PDXDC1: variants seen among roughly 807,000 people sequenced by gnomAD.
The protein encoded by PDXDC1 is pyridoxal dependent decarboxylase domain containing 1, also known as pyridoxal-dependent decarboxylase domain-containing protein 1.
In PDXDC1, 42 loss-of-function variants were observed where a neutral mutation model predicts 100.1. The observed-to-expected ratio is 0.42, with a 90% CI of 0.33 to 0.54. PDXDC1 has a LOEUF of 0.54. Ranked by LOEUF, PDXDC1 falls within the 20% of genes least tolerant of loss-of-function variation. The pLI, the probability that PDXDC1 is intolerant of heterozygous loss-of-function variation, is 0.10. For missense variants in PDXDC1, 636 were observed against 979.2 expected (o/e 0.65, Z 4.68); for synonymous variants, 260 against 371.7 (o/e 0.70, Z 3.46).
chr16:14,991,924 C>G (rs368689096), intron 1 of PDXDC1, among the ~76,000 whole-genome samples: 1 of 152,290 alleles, frequency 6.6e-6, no homozygotes, highest in African/African-American at 2.4e-5. Context: ...TCTGGCATGC[C>G]TTCCTAAGGG....
chr16:15,141,746 C>A (rs1240294422), downstream of PDXDC1, among the ~76,000 whole-genome samples: 1 of 152,248 alleles, frequency 6.6e-6, no homozygotes, highest in Non-Finnish European at 1.5e-5. Context: ...TCCACACCAT[C>A]CCCGCCGTGG....
chr16:15,124,120 T>C (rs2047573141), intron 16 of PDXDC1, among the ~76,000 whole-genome samples: 1 of 152,198 alleles, frequency 6.6e-6, no homozygotes, highest in Non-Finnish European at 1.5e-5. Flanking sequence ...CATCAGCTTC[T>C]CTCCTAAGGT....
At chr16:15,104,580 AG>A (rs1445616261) in intron 16 of PDXDC1, 1 of 1,599,496 alleles carries the variant, frequency 6.3e-7, no homozygotes, top group Non-Finnish European at 8.5e-7. Flanking sequence ...TGAGGGTGGA[AG>A]GGGATAGAGC....
At chr16:15,109,857 A>G (rs1296720296) in intron 16 of PDXDC1, among the ~76,000 whole-genome samples, 1 of 103,778 alleles carries the variant, frequency 9.6e-6, no homozygotes, top group Non-Finnish European at 2.1e-5. Flanking sequence ...TCAAAATTTA[A>G]AAAAAAAAAA....
chr16:15,124,070 G>C (rs1351696232), intron 16 of PDXDC1, among the ~76,000 whole-genome samples: 1 of 152,208 alleles, frequency 6.6e-6, no homozygotes, highest in Non-Finnish European at 1.5e-5. Flanking sequence ...TGGCCTCTCA[G>C]GGACGTCCAA....
At chr16:15,144,298 C>T (rs1321269070), downstream of PDXDC1, among the ~76,000 whole-genome samples, 3 of 152,238 alleles carry the variant, frequency 2.0e-5, no homozygotes, top group Non-Finnish European at 4.4e-5. Context: ...CGCTGTGCTC[C>T]TTTCTATTTA....
chr16:15,143,500 G>A (rs556057874), downstream of PDXDC1, among the ~76,000 whole-genome samples: 1,233 of 152,292 alleles, frequency 8.1e-3, 8 homozygotes, highest in South Asian at 0.019. Context: ...GGGCCCCCTC[G>A]CCCTGGAGCC....
At chr16:15,048,038 T>C (rs577076844) in intron 16 of PDXDC1, 1 of 1,613,682 alleles carries the variant, frequency 6.2e-7, no homozygotes, top group South Asian at 1.1e-5. Context: ...TTGCTGAACA[T>C]ACAGAAGGCC....
intron 16 of PDXDC1, among the ~76,000 whole-genome samples, chr16:15,064,176 T>G (rs969765954): frequency 5.3e-5 from 8 of 152,102 alleles, no homozygotes; most frequent in African/African-American, 1.4e-4. Flanking sequence ...TTTTGTTTTT[T>G]TTTTGTTTTG....
intron 9 of PDXDC1, chr16:15,016,463 C>T: frequency 3.0e-6 from 3 of 985,294 alleles, no homozygotes; most frequent in Non-Finnish European, 4.2e-6. Context: ...CCTCTGCTCC[C>T]CCAGTCACAG....
In PDXDC1 at chr16:15,036,121, G is replaced by A. The variant is rs747785307; in HGVS notation, c.2213G>A (p.Gly738Glu). Residue 738 changes from glycine to glutamate, a missense_variant, in exon 23 of 23, where the codon GGG becomes GAG. Physicochemically the swap from Gly to Glu is moderately conservative, Grantham distance 98. Transcript: ENST00000396410. Reference sequence around the variant, plus strand: ...GAAAAGGTGGAGCGCCTATCCAGTGGGCCGGAGCAGATCACCCTCGAGGCC... The same window carrying A: ...GAAAAGGTGGAGCGCCTATCCAGTGAGCCGGAGCAGATCACCCTCGAGGCC... ...DLEKVERLSS[G>E]PEQITLEASS... 7 of 1,613,978 alleles carry A rather than the reference G, an allele frequency of 4.3e-6. No individual in the cohort carries two copies. The African/African-American group carries it at 9.3e-5, about 22-fold the overall frequency.
downstream of PDXDC1, chr16:15,040,414 G>T: frequency 4.0e-6 from 1 of 250,346 alleles, no homozygotes; most frequent in Admixed American, 5.3e-5. Context: ...TGATCGTTCT[G>T]TTTGAATCTT....
chr16:14,994,147 G>A (rs1971474007), intron 1 of PDXDC1, among the ~76,000 whole-genome samples: 1 of 152,284 alleles, frequency 6.6e-6, no homozygotes, highest in Non-Finnish European at 1.5e-5. Context: ...AGTTTAATTA[G>A]ATCCCATTTG....
chr16:15,133,552 G>C, intron 16 of PDXDC1: 2 of 1,004,074 alleles, frequency 2.0e-6, no homozygotes, highest in Non-Finnish European at 1.5e-6. Context: ...GGCCCACCTC[G>C]AAGTGTGGCC....
At position 15,031,803 on chromosome 16, in the gene PDXDC1, T is replaced by G; in HGVS notation, c.1468T>G (p.Cys490Gly). Residue 490 changes from cysteine (C) to glycine (G), a missense_variant, in exon 17 of 23, where the codon TGC becomes GGC. Around this residue, in one of 4 missense-constraint regions of PDXDC1, gnomAD observed 452 missense variants for 402.9 expected, o/e 1.12. Transcript: ENST00000396410. ...ACIESKLPVLCCTLQLREEFK... is the reference protein window; with the variant it reads ...ACIESKLPVLGCTLQLREEFK... ...CATAGAAAGCAAACTGCCAGTGCTG[T>G]GCTGTACGCTCCAGTTGCGTGAAGA... 1 of 1,613,982 alleles carries G rather than the reference T, an allele frequency of 6.2e-7. No homozygotes were observed. Among genetic ancestry groups the G allele is most frequent in the Non-Finnish European group, 8.5e-7 (1 of 1,179,910 alleles).
intron 16 of PDXDC1, chr16:15,048,033 G>A: frequency 2.5e-6 from 4 of 1,613,570 alleles, no homozygotes; most frequent in Non-Finnish European, 3.4e-6. Context: ...TCTCTTTGCT[G>A]AACATACAGA....
rs2044778594 is a variant in PDXDC1, at chr16:15,063,044, G to C, written c.1399+32988G>C. 7.4e-6 allele frequency: 5 copies of C among 675,642 alleles called. No homozygotes were observed. The Admixed American group carries it at 1.2e-4, about 17-fold the overall frequency. 41.9% of individuals were successfully genotyped at this position (675,642 alleles called of 1,614,324 possible). A position where few individuals can be genotyped will look rare whatever the true frequency, so the allele number is the denominator to read the frequency against. On this transcript the variant is annotated intron_variant, in intron 16 of 16. Transcript: ENST00000535621. ...ATTTTTGTAGAAACAGGGTGTCACT[G>C]TGTTGCCCAGGCTGGTCTCCAGCAA...
At chr16:15,077,149 T>C (rs888755786) in intron 16 of PDXDC1, among the ~76,000 whole-genome samples, 2 of 151,700 alleles carry the variant, frequency 1.3e-5, no homozygotes, top group Non-Finnish European at 1.5e-5. Flanking sequence ...CCAGCTAATT[T>C]TGTATTTTTA....
downstream of PDXDC1, among the ~76,000 whole-genome samples, chr16:15,039,257 G>A (rs1023345913): frequency 3.9e-5 from 6 of 152,106 alleles, no homozygotes; most frequent in Admixed American, 2.6e-4. Context: ...ACTAAACTAG[G>A]CCTGTTACAC....
Sources: gnomAD v4.1 joint callset for allele counts (sites outside exome capture counted in the v4.1 genomes callset) on GRCh38, gnomAD v4.1.1 for gene constraint, gnomAD v4.1.1 regional missense constraint, MANE v1.5 for transcripts, NCBI Gene and HGNC (gene_info 2026-07-23, HGNC 2026-07-21) for gene names.